Variants in VWA3A observed in about 807,000 individuals in gnomAD.
VWA3A encodes von Willebrand factor A domain containing 3A.
VWA3A carries 134 observed loss-of-function variants against 160.4 expected under a neutral mutation model. The ratio of observed to expected loss-of-function variants is 0.84; its 90% CI spans 0.73 to 0.96. The LOEUF (loss-of-function observed/expected upper bound fraction) is 0.96. VWA3A is among the 40% of genes least tolerant of loss of function. The pLI, the probability that VWA3A is intolerant of heterozygous loss-of-function variation, is 0.00. For missense variants in VWA3A, 1,310 were observed against 1,447.9 expected, an observed-to-expected ratio of 0.90 and a Z score of 1.55; for synonymous variants, 476 against 543.4, an observed-to-expected ratio of 0.88 and a Z score of 1.72.
Position 22,121,630 on chromosome 16 carries a change from C to T in VWA3A, c.1356+13C>T. 1 of 1,591,420 alleles carries T rather than the reference C, an allele frequency of 6.3e-7. No homozygotes were observed. On this transcript the variant is annotated intron_variant, in intron 14 of 33. Coordinates refer to ENST00000389398, the MANE Select transcript of VWA3A (RefSeq NM_173615.5). ...GACCATCCATGAGGTAATTCAGATTCATAATTCTCTCCAGTCCTCCACAGG... is the reference window on the plus strand; with the variant it reads ...GACCATCCATGAGGTAATTCAGATTTATAATTCTCTCCAGTCCTCCACAGG...
At chr16:22,134,658 G>GTGTTTGTT (rs34781292) in intron 21 of VWA3A, among the ~76,000 whole-genome samples, 5,879 of 151,470 alleles carry the variant, frequency 0.039, 445 homozygotes, top group East Asian at 0.37. Context: ...GTGGCAATTG[G>GTGTTTGTT]TGTTTGTTTG....
chr16:22,100,371 C>G, intron 4 of VWA3A, 45 bp from the exon 5 acceptor site: 2 of 1,551,616 alleles, frequency 1.3e-6, no homozygotes, highest in African/African-American at 1.4e-5. Flanking sequence ...ACACATGCAA[C>G]CCCCTGGGCC....
chr16:22,149,425 G>A lies in VWA3A; in HGVS notation c.2985-362G>A, dbSNP rs375874899. Among the ~76,000 whole-genome samples the A allele has an allele frequency of 6.2e-4, 94 of 152,126 alleles. 2 individuals are homozygous for A. The South Asian group carries it at 0.017, about 28-fold the overall frequency. ...GGCTAATTTTTTAAAAATCTTTTTC[G>A]TAGAGATGGGGGTCTCACTATGTTG... On this transcript the variant is annotated intron_variant, in intron 28 of 33. Transcript: ENST00000389398.
intron 14 of VWA3A, among the ~76,000 whole-genome samples, chr16:22,122,127 G>GGATT (rs1365846782): frequency 2.1e-5 from 3 of 140,708 alleles, no homozygotes; most frequent in Non-Finnish European, 4.5e-5. Flanking sequence ...AATGATGGAT[G>GGATT]GATGGATGGA....
chr16:22,122,318 T>G (rs562304728), intron 14 of VWA3A, among the ~76,000 whole-genome samples: 1 of 151,764 alleles, frequency 6.6e-6, no homozygotes, highest in African/African-American at 2.4e-5. Flanking sequence ...GATGCATGGA[T>G]GGATGGATGC....
intron 16 of VWA3A, among the ~76,000 whole-genome samples, chr16:22,125,478 C>G (rs2045829766): frequency 6.6e-6 from 1 of 152,012 alleles, no homozygotes; most frequent in Admixed American, 6.6e-5. Context: ...GGCTAGAGTG[C>G]AGTGGCGCGA....
At chr16:22,149,681 A>C in intron 28 of VWA3A, 106 bp from the exon 29 acceptor site, 4 of 1,328,632 alleles carry the variant, frequency 3.0e-6, no homozygotes, top group Non-Finnish European at 4.0e-6. Context: ...GAGCAAGAAT[A>C]GTCCTCATGA....
At chr16:22,135,097 A>G (rs1164818570) in intron 21 of VWA3A, among the ~76,000 whole-genome samples, 1 of 152,164 alleles carries the variant, frequency 6.6e-6, no homozygotes, top group East Asian at 1.9e-4. Context: ...GGTATCTCAG[A>G]TGGGAGATGA....
In VWA3A at chr16:22,134,447, TG is replaced by T; in HGVS notation, c.2139+12del. 6.3e-7 allele frequency: 1 copy of T among 1,581,630 alleles called. No homozygotes were observed. The highest frequency in any genetic ancestry group is 8.6e-7 in the Non-Finnish European group (1 of 1,162,812). The stretch of plus-strand genomic sequence containing the variant: ...TCAACTACTCCCAAAAGGTATGCCC[TG>T]GGCATGGGCCAATGACTGCACTGCC... On this transcript the variant is annotated intron_variant, in intron 21 of 33. Transcript: ENST00000389398.
In VWA3A at chr16:22,155,719, C is replaced by T. The variant is rs144415932; in HGVS notation, c.3503+55C>T. 707 of 1,602,492 alleles carry T rather than the reference C, an allele frequency of 4.4e-4. 5 individuals carry two copies. The African/African-American group carries it at 8.6e-3, about 20-fold the overall frequency. The stretch of plus-strand genomic sequence containing the variant: ...GCCATGTGGCTACAGCCCATGCAGA[C>T]CCCGGACCCCATCGAGAAGGGCCGC... On this transcript the variant is annotated intron_variant, in intron 32 of 33. Transcript: ENST00000389398.
chr16:22,137,623 G>T (rs759569702), intron 21 of VWA3A, among the ~76,000 whole-genome samples: 6 of 152,194 alleles, frequency 3.9e-5, no homozygotes, highest in Non-Finnish European at 7.3e-5. Flanking sequence ...CAAACAAGGA[G>T]ATGGGAGGGA....
intron 6 of VWA3A, among the ~76,000 whole-genome samples, chr16:22,104,622 G>T (rs2045455002): frequency 6.6e-6 from 1 of 152,140 alleles, no homozygotes; most frequent in South Asian, 2.1e-4. Context: ...CAAGGCTGCA[G>T]TGAGCTATGA....
rs1478516089 is a variant in VWA3A at position 22,144,246 on chromosome 16, G to A, written c.2593-1G>A. 4 of 1,610,580 alleles carry A rather than the reference G, an allele frequency of 2.5e-6. No homozygotes were observed. In the South Asian group the frequency reaches 3.3e-5, roughly 13 times the overall value. ...TAATAGTTCTTTCCTTTATTCTAAA[G>A]TGGGTGGCAAAATATGGGCTCAAAA... On this transcript the variant is annotated splice_acceptor_variant, in intron 25 of 33. Transcript: ENST00000389398. LOFTEE classifies it high-confidence loss of function.
intron 20 of VWA3A, 77 bp from the exon 21 acceptor site, chr16:22,134,291 C>G (rs2046002631): frequency 7.4e-7 from 1 of 1,342,514 alleles, no homozygotes; most frequent in Admixed American, 2.1e-5. Flanking sequence ...AGGTGGCTTT[C>G]TAGTATCCAG....
chr16:22,131,683 C>T lies in VWA3A; in HGVS notation c.1826C>T (p.Ser609Leu), dbSNP rs754682412. ...TTCAAGGACAAAGACAAACACCAAT[C>T]GCAGGGAATCTACCTCTTCACTGGG... Reference protein sequence around the residue: ...VDFKDKDKHQSQGIYLFTGGI... With the variant: ...VDFKDKDKHQLQGIYLFTGGI... The change falls in exon 19 of 34, where the codon TCG (serine) becomes TTG (leucine). Residue 609 changes from serine (S) to leucine (L), a missense_variant. By Grantham distance (145) the Ser-to-Leu change is moderately radical. Coordinates refer to ENST00000389398, the MANE Select transcript of VWA3A (RefSeq NM_173615.5). The T allele has an allele frequency of 3.9e-5, 63 of 1,613,868 alleles. No individual in the cohort carries two copies. The highest frequency in any genetic ancestry group is 2.1e-4 in the African/African-American group (16 of 74,946).
intron 12 of VWA3A, 133 bp downstream of exon 12, chr16:22,119,160 G>A: frequency 1.2e-6 from 1 of 822,140 alleles, no homozygotes; most frequent in Middle Eastern, 5.2e-4. Context: ...ACAAGGCAAG[G>A]CCCACCCTCC....
chr16:22,117,052 G>A, intron 10 of VWA3A, 59 bp from the exon 11 acceptor site: 1 of 1,535,398 alleles, frequency 6.5e-7, no homozygotes, highest in Non-Finnish European at 8.8e-7. Flanking sequence ...TCAAGGAGAA[G>A]GCTTACTGGA....
At chr16:22,114,253 C>T (rs545865952) in intron 8 of VWA3A, among the ~76,000 whole-genome samples, 1 of 152,308 alleles carries the variant, frequency 6.6e-6, no homozygotes, top group African/African-American at 2.4e-5. Context: ...AAAGAACAGA[C>T]CTCTTTCACT....
intron 1 of VWA3A, among the ~76,000 whole-genome samples, chr16:22,095,482 C>T: frequency 6.6e-6 from 1 of 152,106 alleles, no homozygotes; most frequent in South Asian, 2.1e-4. Flanking sequence ...CAGTCTTCAT[C>T]CTAGAAATAG....
Sources: gnomAD v4.1 joint callset for allele counts (sites outside exome capture counted in the v4.1 genomes callset) on GRCh38, gnomAD v4.1.1 for gene constraint, MANE v1.5 for transcripts, NCBI Gene and HGNC (gene_info 2026-07-23, HGNC 2026-07-21) for gene names.